The following ZMAT4 variants were observed in gnomAD, a reference collection of about 807,000 sequenced individuals.
ZMAT4 encodes zinc finger matrin-type 4.
In ZMAT4, 17 loss-of-function variants were observed where a neutral mutation model predicts 28.7. That is an observed-to-expected ratio of 0.59 (90% confidence interval 0.41 to 0.89). The LOEUF is 0.89. ZMAT4 is among the 40% of genes least tolerant of loss of function. The pLI is 0.00. For synonymous variants in ZMAT4, 117 were observed against 109.2 expected (o/e 1.07, Z -0.44); for missense variants, 240 against 283.8 (o/e 0.85, Z 1.11).
chr8:40,696,581 A>T (rs1445906868), intron 4 of ZMAT4, among the ~76,000 whole-genome samples: 2 of 152,156 alleles, frequency 1.3e-5, no homozygotes, highest in East Asian at 3.9e-4. Flanking sequence ...ACCTCTGAAG[A>T]ATTTATTTTA....
Position 40,531,482 on chromosome 8 carries a change from A to G in ZMAT4, c.*741T>C, listed in dbSNP as rs1585648151. ...TTGGGGAAAAAAATTCACCAAGGTC[A>G]AGGGCTGTGAAGACGTTTTTGCCTA... On this transcript the variant is annotated 3_prime_UTR_variant, in exon 7 of 7. Transcript: ENST00000297737. The G allele has an allele frequency of 6.6e-6, 1 of 152,598 alleles. No individual in the cohort carries two copies. The highest frequency in any genetic ancestry group is 1.9e-4 in the East Asian group (1 of 5,202). The allele number at this position is 152,598 out of a possible 1,614,324, so 9.5% of individuals were successfully genotyped here.
intron 3 of ZMAT4, among the ~76,000 whole-genome samples, chr8:40,756,061 T>C (rs916947058): frequency 2.0e-5 from 3 of 152,116 alleles, no homozygotes; most frequent in African/African-American, 7.2e-5. Context: ...CCATACACAT[T>C]GATCCTCTCC....
intron 5 of ZMAT4, among the ~76,000 whole-genome samples, chr8:40,647,453 C>G (rs1807384857): frequency 6.6e-6 from 1 of 152,172 alleles, no homozygotes; most frequent in Admixed American, 6.5e-5. Context: ...TGATTGCTAG[C>G]ACAGCAGTCT....
intron 1 of ZMAT4, among the ~76,000 whole-genome samples, chr8:40,843,489 G>T (rs1444952960): frequency 6.6e-6 from 1 of 152,192 alleles, no homozygotes; most frequent in Non-Finnish European, 1.5e-5. Flanking sequence ...TGCTTTTACA[G>T]GGGACAGAAT....
At chr8:40,839,794 C>A (rs1393367478) in intron 1 of ZMAT4, among the ~76,000 whole-genome samples, 1 of 152,092 alleles carries the variant, frequency 6.6e-6, no homozygotes, top group South Asian at 2.1e-4. Flanking sequence ...GAGTGAAAGA[C>A]AATGAAGTCT....
intron 1 of ZMAT4, among the ~76,000 whole-genome samples, chr8:40,875,965 T>C (rs1373966753): frequency 2.0e-5 from 3 of 152,178 alleles, no homozygotes; most frequent in East Asian, 1.9e-4. Context: ...ATTAACCCAC[T>C]AGACCAAGGG....
At chr8:40,881,797 A>T (rs1183858870) in intron 1 of ZMAT4, among the ~76,000 whole-genome samples, 1 of 152,072 alleles carries the variant, frequency 6.6e-6, no homozygotes, top group Non-Finnish European at 1.5e-5. Flanking sequence ...TTTTTTCCAT[A>T]CAGAGATGGG....
chr8:40,574,202 G>A (rs1804188639), intron 6 of ZMAT4, among the ~76,000 whole-genome samples: 1 of 152,068 alleles, frequency 6.6e-6, no homozygotes, highest in African/African-American at 2.4e-5. Flanking sequence ...TAAAAGCTTT[G>A]AAGAGTTAGT....
intron 5 of ZMAT4, among the ~76,000 whole-genome samples, chr8:40,670,892 C>T (rs1214058756): frequency 6.6e-6 from 1 of 151,950 alleles, no homozygotes; most frequent in Admixed American, 6.6e-5. Context: ...CATGGTGAAA[C>T]CCCGTCTCTA....
chr8:40,551,588 G>A (rs17556346), intron 6 of ZMAT4, among the ~76,000 whole-genome samples: 5,932 of 152,154 alleles, frequency 0.039, 147 homozygotes, highest in South Asian at 0.093. Context: ...ACCTCTGAGC[G>A]GGACAGATCT....
chr8:40,835,010 G>A (rs148086052), intron 1 of ZMAT4, among the ~76,000 whole-genome samples: 15 of 152,340 alleles, frequency 9.8e-5, no homozygotes, highest in East Asian at 1.9e-4. Flanking sequence ...ATGATGGAGC[G>A]CAGATGTCAG....
At chr8:40,553,234 C>G (rs952682640) in intron 6 of ZMAT4, among the ~76,000 whole-genome samples, 3 of 152,164 alleles carry the variant, frequency 2.0e-5, no homozygotes, top group Non-Finnish European at 2.9e-5. Flanking sequence ...CAGCCCCACT[C>G]AAACCTTCAG....
intron 1 of ZMAT4, among the ~76,000 whole-genome samples, chr8:40,860,718 C>A (rs1817457453): frequency 6.6e-6 from 1 of 152,188 alleles, no homozygotes. Context: ...CCAAAATGGT[C>A]CACAGATGTT....
chr8:40,534,011 G>A (rs1057465445), intron 6 of ZMAT4, among the ~76,000 whole-genome samples: 1 of 151,986 alleles, frequency 6.6e-6, no homozygotes, highest in Non-Finnish European at 1.5e-5. Context: ...GTAACAGTAA[G>A]AAGACCAAAT....
chr8:40,595,014 A>G (rs768112986), intron 5 of ZMAT4, among the ~76,000 whole-genome samples: 1 of 152,240 alleles, frequency 6.6e-6, no homozygotes, highest in Non-Finnish European at 1.5e-5. Flanking sequence ...TTGTTCTTAA[A>G]TTGAGTGATT....
chr8:40,851,971 A>C (rs953972601), intron 1 of ZMAT4, among the ~76,000 whole-genome samples: 1 of 152,048 alleles, frequency 6.6e-6, no homozygotes, highest in African/African-American at 2.4e-5. Flanking sequence ...ATCTCGGCTC[A>C]CTGCAGCCTC....
chr8:40,684,067 GA>G (rs113250177), intron 4 of ZMAT4, among the ~76,000 whole-genome samples: 5,481 of 138,732 alleles, frequency 0.04, 208 homozygotes, highest in African/African-American at 0.1. Context: ...TCCCGTCTTA[GA>G]AAAAAAAAAA....
intron 5 of ZMAT4, among the ~76,000 whole-genome samples, chr8:40,621,854 C>T (rs1430136364): frequency 6.6e-6 from 1 of 152,144 alleles, no homozygotes; most frequent in Non-Finnish European, 1.5e-5. Flanking sequence ...TTGTTCAAGG[C>T]AAGTTAAATC....
rs994985102 is a variant in ZMAT4 at position 40,825,734 on chromosome 8, C to T, written c.-4-54G>A. ...TGAGTCCACTGCTTTGATGTTTATG[C>T]AAGATATTAACCGTATGAAAAGCCA... On this transcript the variant is annotated intron_variant, in intron 1 of 6. Coordinates refer to ENST00000297737, the MANE Select transcript of ZMAT4 (RefSeq NM_024645.3). The T allele has an allele frequency of 9.3e-6, 13 of 1,403,858 alleles. No individual in the cohort carries two copies. The Admixed American group carries it at 1.4e-4, about 15-fold the overall frequency. 87.0% of individuals were successfully genotyped at this position (1,403,858 alleles called of 1,614,324 possible).
Sources: gnomAD v4.1 joint callset for allele counts (sites outside exome capture counted in the v4.1 genomes callset) on GRCh38, gnomAD v4.1.1 for gene constraint, MANE v1.5 for transcripts, NCBI Gene and HGNC (gene_info 2026-07-23, HGNC 2026-07-21) for gene names.